The following TNFSF11 variants were observed in gnomAD, a reference collection of about 807,000 sequenced individuals.
The protein encoded by TNFSF11 is TNF superfamily member 11.
TNFSF11 carries 12 observed loss-of-function variants against 32.2 expected under a neutral mutation model. The observed-to-expected ratio is 0.37, with a 90% CI of 0.24 to 0.60. The LOEUF is 0.60. Among genes scored for constraint, TNFSF11 ranks in the 20% least tolerant of loss-of-function variants. TNFSF11 has a pLI of 0.66. For synonymous variants in TNFSF11, 172 were observed against 152.1 expected (o/e 1.13, Z -0.96); for missense variants, 345 against 398.0 (o/e 0.87, Z 1.13).
intron 2 of TNFSF11, among the ~76,000 whole-genome samples, chr13:42,585,469 C>T (rs961737484): frequency 2.6e-5 from 4 of 152,094 alleles, no homozygotes; most frequent in African/African-American, 9.7e-5. Context: ...GCTGGGTTTT[C>T]TTGGCTTCCC....
At position 42,600,802 on chromosome 13, in the gene TNFSF11, G is replaced by T; in HGVS notation, c.433+5G>T. 1 of 1,614,074 alleles carries T rather than the reference G, an allele frequency of 6.2e-7. No individual in the cohort carries two copies. The highest frequency in any genetic ancestry group is 8.5e-7 in the Non-Finnish European group (1 of 1,179,996). ...AGCACATCAGAGCAGAGAAAGGTAA[G>T]CATGGATCCATACATCTGTATGAAA... is the stretch of plus-strand genomic sequence containing the variant. On this transcript the variant is annotated splice_donor_5th_base_variant and intron_variant, in intron 3 of 4. Transcript: ENST00000398795.
chr13:42,599,349 C>CTATCATCCATCTATCTATCT (rs11385072), intron 2 of TNFSF11, among the ~76,000 whole-genome samples: 112 of 112,244 alleles, frequency 1.0e-3, no homozygotes, highest in East Asian at 4.6e-3. Context: ...ATCTATCTAT[C>CTATCATCCATCTATCTATCT]ATCTATCTAT....
chr13:42,579,006 TC>T (rs1873455972), intron 1 of TNFSF11, among the ~76,000 whole-genome samples: 1 of 152,304 alleles, frequency 6.6e-6, no homozygotes, highest in African/African-American at 2.4e-5. Flanking sequence ...ATGCATATTC[TC>T]AGGCAGTATG....
intron 1 of TNFSF11, among the ~76,000 whole-genome samples, chr13:42,575,848 C>A (rs974144774): frequency 2.0e-5 from 3 of 152,158 alleles, no homozygotes; most frequent in South Asian, 2.1e-4. Flanking sequence ...AGTGACTAAA[C>A]GTCTTTCTTT....
rs547205629 is a variant in TNFSF11 at position 42,568,677 on chromosome 13, G to A, written c.-160+1915G>A. 7.2e-5 allele frequency among the ~76,000 whole-genome samples: 11 copies of A among 152,242 alleles called. No homozygotes were observed. The East Asian group carries it at 1.9e-3, about 27-fold the overall frequency. ...CCTGGACCGGAGATCAGAAGACGCGGGAACAGACAGAAAAAGAAGAAGAGT... is the reference window on the plus strand; with the variant it reads ...CCTGGACCGGAGATCAGAAGACGCGAGAACAGACAGAAAAAGAAGAAGAGT... On this transcript the variant is annotated intron_variant, in intron 2 of 6. Coordinates refer to the TNFSF11 transcript ENST00000358545.
intron 4 of TNFSF11, among the ~76,000 whole-genome samples, chr13:42,605,429 C>T (rs1255307610): frequency 6.6e-6 from 1 of 152,210 alleles, no homozygotes; most frequent in Non-Finnish European, 1.5e-5. Flanking sequence ...CCATTAGTTA[C>T]CAGCTTTTCC....
At chr13:42,563,162 C>T (rs1454577444) in intron 1 of TNFSF11, among the ~76,000 whole-genome samples, 1 of 152,216 alleles carries the variant, frequency 6.6e-6, no homozygotes, top group Non-Finnish European at 1.5e-5. Context: ...AATAAGTCCC[C>T]TCCAGTTCCA....
chr13:42,599,326 TATCTATCTATCTATCTATCTATC>T (rs1484505926), intron 2 of TNFSF11, among the ~76,000 whole-genome samples: 7 of 142,126 alleles, frequency 4.9e-5, no homozygotes, highest in Non-Finnish European at 1.1e-4. Context: ...TCTATCTATC[TATCTATCTATCTATCTATCTATC>T]ATCTATCTAT....
At chr13:42,580,143 C>T (rs1257789668) in intron 1 of TNFSF11, among the ~76,000 whole-genome samples, 1 of 152,050 alleles carries the variant, frequency 6.6e-6, no homozygotes, top group African/African-American at 2.4e-5. Flanking sequence ...AGGTGAAGTA[C>T]CTTGAATATT....
intron 2 of TNFSF11, among the ~76,000 whole-genome samples, chr13:42,597,871 A>T (rs2137897578): frequency 6.6e-6 from 1 of 151,790 alleles, no homozygotes; most frequent in Middle Eastern, 3.4e-3. Context: ...TTTTTTTTAG[A>T]CGGGGTCTTG....
intron 2 of TNFSF11, among the ~76,000 whole-genome samples, chr13:42,593,163 T>C (rs1868597594): frequency 6.6e-6 from 1 of 152,200 alleles, no homozygotes; most frequent in Non-Finnish European, 1.5e-5. Context: ...GGGCTGATTT[T>C]GAATAACAAA....
At chr13:42,599,673 G>A (rs571467988) in intron 2 of TNFSF11, among the ~76,000 whole-genome samples, 1 of 152,154 alleles carries the variant, frequency 6.6e-6, no homozygotes, top group African/African-American at 2.4e-5. Flanking sequence ...CGGTTCAAGC[G>A]ATTCGCCTGC....
intron 2 of TNFSF11, among the ~76,000 whole-genome samples, chr13:42,567,021 A>C (rs1324664065): frequency 6.6e-6 from 1 of 152,002 alleles, no homozygotes; most frequent in Non-Finnish European, 1.5e-5. Context: ...AAATAAATAA[A>C]TAAAATGAAA....
chr13:42,579,704 C>CTTTTTTTTTTTTTTT (rs59375842), intron 1 of TNFSF11, among the ~76,000 whole-genome samples: 8 of 65,502 alleles, frequency 1.2e-4, no homozygotes, highest in African/African-American at 2.4e-4. Flanking sequence ...TAAGTAAGCC[C>CTTTTTTTTTTTTTTT]TTTTTTTTTT....
chr13:42,588,736 G>A (rs973712776), intron 2 of TNFSF11, among the ~76,000 whole-genome samples: 1 of 152,216 alleles, frequency 6.6e-6, no homozygotes, highest in Non-Finnish European at 1.5e-5. Flanking sequence ...TGGCAGTTCA[G>A]GGGTGGACTC....
At chr13:42,580,219 C>A (rs1413475599) in intron 1 of TNFSF11, among the ~76,000 whole-genome samples, 8 of 152,170 alleles carry the variant, frequency 5.3e-5, no homozygotes, top group African/African-American at 1.7e-4. Context: ...TATTGTTACC[C>A]TTTACTTCAC....
upstream of TNFSF11, among the ~76,000 whole-genome samples, chr13:42,570,760 T>C (rs1177551992): frequency 6.6e-6 from 1 of 152,198 alleles, no homozygotes; most frequent in Non-Finnish European, 1.5e-5. Flanking sequence ...ACTTTCTCTC[T>C]GGGTGGTTTT....
At chr13:42,603,899 A>G (rs1423875775) in intron 4 of TNFSF11, among the ~76,000 whole-genome samples, 1 of 152,228 alleles carries the variant, frequency 6.6e-6, no homozygotes, top group African/African-American at 2.4e-5. Flanking sequence ...GTGACTGATC[A>G]AAAGCATGAA....
At chr13:42,590,968 C>G (rs777431626) in intron 2 of TNFSF11, among the ~76,000 whole-genome samples, 1 of 152,220 alleles carries the variant, frequency 6.6e-6, no homozygotes, top group African/African-American at 2.4e-5. Context: ...TTTGCAAAAA[C>G]GAGTCTCTTC....
Sources: allele counts gnomAD v4.1 joint callset (sites outside exome capture counted in the v4.1 genomes callset), GRCh38; gene constraint gnomAD v4.1.1; transcripts MANE v1.5; gene names NCBI Gene and HGNC (gene_info 2026-07-23, HGNC 2026-07-21).